The following MGAT4C variants were observed in gnomAD, a reference collection of about 807,000 sequenced individuals.
MGAT4C encodes MGAT4 family member C, also known as alpha-1,3-mannosyl-glycoprotein 4-beta-N-acetylglucosaminyltransferase C.
In MGAT4C, 19 loss-of-function variants were observed where a neutral mutation model predicts 40.1. The observed-to-expected ratio is 0.47, with a 90% CI of 0.33 to 0.70. The LOEUF is 0.70. MGAT4C is among the 30% of genes least tolerant of loss of function. MGAT4C has a pLI of 0.02. For missense variants in MGAT4C, 491 were observed against 563.2 expected (o/e 0.87, Z 1.30); for synonymous variants, 181 against 187.1 (o/e 0.97, Z 0.27).
intron 1 of MGAT4C, among the ~76,000 whole-genome samples, chr12:86,764,799 G>C (rs1951474107): frequency 1.3e-5 from 2 of 152,178 alleles, no homozygotes; most frequent in South Asian, 4.1e-4. Context: ...ACATGCAGCT[G>C]ACGGTCCTGT....
At chr12:86,477,302 A>G (rs2136309386) in intron 2 of MGAT4C, among the ~76,000 whole-genome samples, 1 of 152,234 alleles carries the variant, frequency 6.6e-6, no homozygotes, top group East Asian at 1.9e-4. Flanking sequence ...TAAGATAATT[A>G]AAGCACAAAT....
rs895291907 is a variant in MGAT4C at position 86,341,042 on chromosome 12, A to G, written c.-119-6915T>C. 6.5e-4 allele frequency among the ~76,000 whole-genome samples: 99 copies of G among 152,212 alleles called. 1 individual carries two copies. Among genetic ancestry groups the G allele is most frequent in the African/African-American group, 2.1e-3 (85 of 41,458 alleles). On this transcript the variant is annotated intron_variant, in intron 3 of 7. Transcript: ENST00000548651. ...TAAGCAGCTAGTGCTTGTGGCTCTC[A>G]CGGAGAGGAACAAAAGGGGCAAGTA... is the stretch of plus-strand genomic sequence containing the variant.
chr12:86,698,266 A>G lies in MGAT4C; in HGVS notation c.-229+28943T>C, dbSNP rs1344320273. Reference sequence around the variant, plus strand: ...ATTAATAGATTCACCAAAAAATCCTAAATAAATGACCAATATACAAGTAAA... The same window carrying G: ...ATTAATAGATTCACCAAAAAATCCTGAATAAATGACCAATATACAAGTAAA... On this transcript the variant is annotated intron_variant, in intron 2 of 7. Coordinates refer to the MGAT4C transcript ENST00000548651. Among the ~76,000 whole-genome samples, 6 of 152,120 alleles carry G rather than the reference A, an allele frequency of 3.9e-5. 1 individual carries two copies. Among genetic ancestry groups the G allele is most frequent in the Admixed American group, 3.9e-4 (6 of 15,248 alleles).
At chr12:86,305,172 G>T (rs1953903669) in intron 4 of MGAT4C, among the ~76,000 whole-genome samples, 2 of 150,570 alleles carry the variant, frequency 1.3e-5, no homozygotes, top group Admixed American at 1.3e-4. Context: ...TGGTGCAGTG[G>T]CTCATGTCTG....
chr12:86,388,297 A>G (rs1490098864), intron 3 of MGAT4C, among the ~76,000 whole-genome samples: 1 of 152,172 alleles, frequency 6.6e-6, no homozygotes, highest in African/African-American at 2.4e-5. Flanking sequence ...AACAAGTACC[A>G]ACTGCATAAT....
chr12:86,415,632 T>G (rs1294323039), intron 3 of MGAT4C, among the ~76,000 whole-genome samples: 1 of 152,002 alleles, frequency 6.6e-6, no homozygotes, highest in African/African-American at 2.4e-5. Context: ...ATCCCAGTAT[T>G]TGAATTTTAG....
At chr12:86,669,132 C>T (rs1413440155) in intron 2 of MGAT4C, among the ~76,000 whole-genome samples, 2 of 151,650 alleles carry the variant, frequency 1.3e-5, no homozygotes, top group East Asian at 3.9e-4. Flanking sequence ...GGTAGATCTC[C>T]AGGCATTCAG....
intron 2 of MGAT4C, among the ~76,000 whole-genome samples, chr12:86,712,022 G>C (rs1293576090): frequency 6.6e-6 from 1 of 152,090 alleles, no homozygotes; most frequent in African/African-American, 2.4e-5. Context: ...ATGTGCTGGT[G>C]ATGATTTCTT....
intron 2 of MGAT4C, among the ~76,000 whole-genome samples, chr12:86,687,996 G>C (rs1419132619): frequency 6.6e-6 from 1 of 152,042 alleles, no homozygotes; most frequent in African/African-American, 2.4e-5. Flanking sequence ...CTAAGAACTT[G>C]GTTTATGAAT....
chr12:86,828,767 C>T (rs1384986107), intron 1 of MGAT4C, among the ~76,000 whole-genome samples: 3 of 151,452 alleles, frequency 2.0e-5, no homozygotes, highest in African/African-American at 4.8e-5. Flanking sequence ...CAGAAGACTA[C>T]ATATTGCATG....
rs978566778 is a variant in MGAT4C at position 85,955,913 on chromosome 12, A to T, written c.*23376T>A. 1 of 152,202 alleles carries T rather than the reference A, an allele frequency of 6.6e-6. No individual in the cohort carries two copies. The highest frequency in any genetic ancestry group is 1.9e-4 in the East Asian group (1 of 5,194). The allele number at this position is 152,202 out of a possible 1,614,324, so 9.4% of individuals were successfully genotyped here. A position where few individuals can be genotyped will look rare whatever the true frequency, so the allele number is the denominator to read the frequency against. On this transcript the variant is annotated 3_prime_UTR_variant, in exon 5 of 5. Transcript: ENST00000611864. ...ATAATTTTTGTGTATATACATTTCA[A>T]TCAGTAAATATCAACTACAAGGTTA...
At chr12:86,308,017 T>C (rs1433053644) in intron 4 of MGAT4C, among the ~76,000 whole-genome samples, 2 of 150,634 alleles carry the variant, frequency 1.3e-5, no homozygotes, top group African/African-American at 2.5e-5. Context: ...GGGTACAATT[T>C]TTTTGTATTA....
In MGAT4C at chr12:86,290,069, C is replaced by T. The variant is rs12304981; in HGVS notation, c.-57+43996G>A. 2.6e-3 allele frequency among the ~76,000 whole-genome samples: 387 copies of T among 150,428 alleles called. 3 individuals are homozygous for T. The highest frequency in any genetic ancestry group is 8.8e-3 in the African/African-American group (362 of 40,906). ...TAAATCACTTTTTTTTTTTTTGAGA[C>T]GGAGTCTTGCTCTGTCACCCATGCT... On this transcript the variant is annotated intron_variant, in intron 4 of 7. Coordinates refer to the MGAT4C transcript ENST00000548651.
At chr12:86,355,905 G>A (rs1955298934) in intron 3 of MGAT4C, among the ~76,000 whole-genome samples, 1 of 152,016 alleles carries the variant, frequency 6.6e-6, no homozygotes, top group East Asian at 1.9e-4. Flanking sequence ...TAACTTTGCT[G>A]TTATAAAAGT....
intron 3 of MGAT4C, among the ~76,000 whole-genome samples, chr12:86,354,000 C>T (rs956690490): frequency 3.9e-5 from 6 of 152,122 alleles, no homozygotes; most frequent in Admixed American, 2.0e-4. Flanking sequence ...AAGGAGTATA[C>T]GGTTCATCCC....
intron 1 of MGAT4C, among the ~76,000 whole-genome samples, chr12:86,205,363 TG>T (rs368294089): frequency 9.1e-4 from 138 of 151,706 alleles, no homozygotes; most frequent in African/African-American, 2.7e-3. Flanking sequence ...TCAGTGATTT[TG>T]TCACATTTAA....
At chr12:86,521,207 T>C (rs1257992930) in intron 2 of MGAT4C, among the ~76,000 whole-genome samples, 1 of 152,132 alleles carries the variant, frequency 6.6e-6, no homozygotes, top group Non-Finnish European at 1.5e-5. Context: ...TTTTAGATTT[T>C]ACATTTAAGT....
At chr12:86,470,304 C>A (rs1196069915) in intron 2 of MGAT4C, among the ~76,000 whole-genome samples, 2 of 151,974 alleles carry the variant, frequency 1.3e-5, no homozygotes, top group African/African-American at 2.4e-5. Context: ...GAAATAGTAC[C>A]CTTTGGTTCT....
intron 1 of MGAT4C, among the ~76,000 whole-genome samples, chr12:86,764,119 G>T (rs1244055379): frequency 1.3e-5 from 2 of 152,120 alleles, no homozygotes; most frequent in African/African-American, 4.8e-5. Context: ...TCAAAGAAAG[G>T]GGTGACAGAT....
Sources: allele counts gnomAD v4.1 joint callset (sites outside exome capture counted in the v4.1 genomes callset), GRCh38; gene constraint gnomAD v4.1.1; transcripts MANE v1.5; gene names NCBI Gene and HGNC (gene_info 2026-07-23, HGNC 2026-07-21).